The following CREB3L2 variants were observed in gnomAD, a reference collection of about 807,000 sequenced individuals.
CREB3L2 encodes cAMP responsive element binding protein 3 like 2, also known as cyclic AMP-responsive element-binding protein 3-like protein 2.
Under a neutral mutation model 57.2 loss-of-function variants are expected in CREB3L2, and 23 were observed. The ratio of observed to expected loss-of-function variants is 0.40; its 90% CI spans 0.29 to 0.57. The LOEUF (loss-of-function observed/expected upper bound fraction) is 0.57, where lower values mean the gene tolerates loss of function less well. CREB3L2 is among the 20% of genes least tolerant of loss of function. The probability of loss-of-function intolerance (pLI) is 0.42; values close to 1 mark genes in which losing one functional copy is unlikely to be tolerated. For missense variants in CREB3L2, 628 were observed against 634.7 expected (o/e 0.99, Z 0.11); for synonymous variants, 268 against 265.1 (o/e 1.01, Z -0.11).
At chr7:137,959,553 G>A (rs1801281261) in intron 1 of CREB3L2, among the ~76,000 whole-genome samples, 1 of 152,180 alleles carries the variant, frequency 6.6e-6, no homozygotes, top group African/African-American at 2.4e-5. Context: ...AAATGATGGT[G>A]GTTTTAAGCC....
Position 137,879,643 on chromosome 7 carries a change from C to G in CREB3L2, c.*833G>C, listed in dbSNP as rs1799243846. ...ACGGGATCCCAGAGCCTAGGGTGCCCTCCTAGCTCTGAAGGCTCGCAGAAA... is the reference window on the plus strand; with the variant it reads ...ACGGGATCCCAGAGCCTAGGGTGCCGTCCTAGCTCTGAAGGCTCGCAGAAA... On this transcript the variant is annotated 3_prime_UTR_variant, in exon 12 of 12. Coordinates refer to ENST00000330387, the MANE Select transcript of CREB3L2 (RefSeq NM_194071.4). 2.1e-5 allele frequency: 5 copies of G among 242,070 alleles called. No individual in the cohort carries two copies. The East Asian group carries it at 3.0e-4, about 15-fold the overall frequency. The allele number at this position is 242,070 out of a possible 1,614,324, so 15.0% of individuals were successfully genotyped here.
chr7:137,946,432 A>AG (rs1341453161), intron 1 of CREB3L2, among the ~76,000 whole-genome samples: 2 of 151,586 alleles, frequency 1.3e-5, no homozygotes, highest in Non-Finnish European at 2.9e-5. Flanking sequence ...TGCAGAAAAA[A>AG]AAAAAAAAAC....
chr7:137,964,382 G>T (rs1417945388), intron 1 of CREB3L2, among the ~76,000 whole-genome samples: 1 of 152,180 alleles, frequency 6.6e-6, no homozygotes, highest in Non-Finnish European at 1.5e-5. Context: ...CCACTAGCAT[G>T]TCTCTGGCTC....
chr7:137,960,957 G>A lies in CREB3L2; in HGVS notation c.103-32591C>T, dbSNP rs1033551670. On this transcript the variant is annotated intron_variant, in intron 1 of 11. Coordinates refer to ENST00000330387, the MANE Select transcript of CREB3L2 (RefSeq NM_194071.4). ...GCCTCCCGAGTAGCTGAGATTAGAG[G>A]TGTGTGCCACCACACCCGGCTAATT... 2.1e-4 allele frequency among the ~76,000 whole-genome samples: 32 copies of A among 151,594 alleles called. 1 individual carries two copies. In the South Asian group the frequency reaches 4.2e-3, roughly 20 times the overall value.
chr7:137,931,193 T>C (rs967101260), intron 1 of CREB3L2, among the ~76,000 whole-genome samples: 4 of 150,396 alleles, frequency 2.7e-5, no homozygotes, highest in African/African-American at 4.9e-5. Flanking sequence ...GATTGTACCA[T>C]TGCACTCCAG....
At position 137,875,084 on chromosome 7, in the gene CREB3L2, CT is replaced by C. The variant is rs59223079; in HGVS notation, c.*5391del. On this transcript the variant is annotated 3_prime_UTR_variant, in exon 12 of 12. Coordinates refer to ENST00000330387, the MANE Select transcript of CREB3L2 (RefSeq NM_194071.4). ...AACTAAGTACAAGTGTCCTACAAAG[CT>C]TTTTTTTTTTTTTGGTATTTACTTA... 25,008 of 167,094 alleles carry C rather than the reference CT, an allele frequency of 0.15. 1,919 individuals carry two copies. Among genetic ancestry groups the C allele is most frequent in the African/African-American group, 0.32 (12,773 of 39,474 alleles). 10.4% of individuals were successfully genotyped at this position (167,094 alleles called of 1,614,324 possible). A position where few individuals can be genotyped will look rare whatever the true frequency, so the allele number is the denominator to read the frequency against.
chr7:137,898,303 T>A lies in CREB3L2; in HGVS notation c.1043+3051A>T, dbSNP rs183605195. ...TGGAGAAAAGGGAACCCTTCCACAC[T>A]GTTAGTGGGAATGTAAATTAGTAAA... is the stretch of plus-strand genomic sequence containing the variant. On this transcript the variant is annotated intron_variant, in intron 8 of 11. Coordinates refer to ENST00000330387, the MANE Select transcript of CREB3L2 (RefSeq NM_194071.4). Among the ~76,000 whole-genome samples, 368 of 152,316 alleles carry A rather than the reference T, an allele frequency of 2.4e-3. 1 individual carries two copies. The highest frequency in any genetic ancestry group is 0.01 in the Middle Eastern group (3 of 294).
rs148703458 is a variant in CREB3L2 at position 137,981,037 on chromosome 7, T to C, written c.102+20567A>G. On this transcript the variant is annotated intron_variant, in intron 1 of 11. Coordinates refer to ENST00000330387, the MANE Select transcript of CREB3L2 (RefSeq NM_194071.4). ...AGATCTGCTGAGGACCCCGAGTCCTTGCAATAAAGCAGGAGAACCTGAGAT... is the reference window on the plus strand; with the variant it reads ...AGATCTGCTGAGGACCCCGAGTCCTCGCAATAAAGCAGGAGAACCTGAGAT... Among the ~76,000 whole-genome samples, 7 of 152,216 alleles carry C rather than the reference T, an allele frequency of 4.6e-5. No individual in the cohort carries two copies. The East Asian group carries it at 9.7e-4, about 21-fold the overall frequency.
In CREB3L2 at chr7:137,945,141, C is replaced by T. The variant is rs561938299; in HGVS notation, c.103-16775G>A. 1.7e-4 allele frequency among the ~76,000 whole-genome samples: 26 copies of T among 152,032 alleles called. No homozygotes were observed. The South Asian group carries it at 4.8e-3, about 28-fold the overall frequency. On this transcript the variant is annotated intron_variant, in intron 1 of 11. Transcript: ENST00000330387. ...AGCTTCTGACCTCAGGTAATCTGCC[C>T]GCCTTGGCTTCCCAAAGTGCTGGGA...
intron 8 of CREB3L2, among the ~76,000 whole-genome samples, chr7:137,895,653 A>AG (rs58659903): frequency 6.6e-6 from 1 of 151,814 alleles, no homozygotes; most frequent in East Asian, 1.9e-4. Context: ...AAAAAAAAAA[A>AG]GAAAGAAAAC....
intron 1 of CREB3L2, among the ~76,000 whole-genome samples, chr7:137,970,587 C>A (rs1162100557): frequency 5.1e-5 from 4 of 78,210 alleles, no homozygotes; most frequent in African/African-American, 1.5e-4. Context: ...GGACAGTTCA[C>A]AGAAGGGGGT....
intron 1 of CREB3L2, among the ~76,000 whole-genome samples, chr7:137,966,331 T>G (rs911470550): frequency 6.6e-6 from 1 of 152,194 alleles, no homozygotes; most frequent in Admixed American, 6.5e-5. Flanking sequence ...TAAGTTTGGA[T>G]GGTAATGTGA....
intron 2 of CREB3L2, among the ~76,000 whole-genome samples, chr7:137,918,839 C>T (rs1800208565): frequency 1.3e-5 from 2 of 152,098 alleles, no homozygotes; most frequent in South Asian, 4.1e-4. Flanking sequence ...TGTGCACATT[C>T]GTAAAACAAG....
intron 1 of CREB3L2, among the ~76,000 whole-genome samples, chr7:137,945,036 G>A (rs1800945865): frequency 6.6e-6 from 1 of 152,176 alleles, no homozygotes; most frequent in African/African-American, 2.4e-5. Flanking sequence ...GGGCTTACGG[G>A]CATGTGCCAC....
chr7:137,948,338 T>C (rs927716507), intron 1 of CREB3L2, among the ~76,000 whole-genome samples: 2 of 152,218 alleles, frequency 1.3e-5, no homozygotes, highest in Non-Finnish European at 2.9e-5. Context: ...CAATTCACGA[T>C]TAAACTGTTT....
intron 1 of CREB3L2, among the ~76,000 whole-genome samples, chr7:137,984,529 C>T (rs1423289952): frequency 6.6e-6 from 1 of 152,352 alleles, no homozygotes; most frequent in East Asian, 1.9e-4. Flanking sequence ...CCTGATCAAG[C>T]ACTACACTAG....
chr7:137,951,460 A>ACCTAATCCTCTATTTC (rs1801096499), intron 1 of CREB3L2, among the ~76,000 whole-genome samples: 3 of 152,166 alleles, frequency 2.0e-5, no homozygotes, highest in Admixed American at 1.3e-4. Context: ...ACCCGCAAGA[A>ACCTAATCCTCTATTTC]CCTAATCCTC....
intron 1 of CREB3L2, among the ~76,000 whole-genome samples, chr7:137,959,574 A>G (rs1295793353): frequency 6.6e-6 from 1 of 152,252 alleles, no homozygotes; most frequent in Non-Finnish European, 1.5e-5. Flanking sequence ...ACTAAGTTGT[A>G]TGGTGATTTG....
At chr7:137,930,206 A>G (rs1800585860) in intron 1 of CREB3L2, among the ~76,000 whole-genome samples, 1 of 152,172 alleles carries the variant, frequency 6.6e-6, no homozygotes, top group South Asian at 2.1e-4. Flanking sequence ...CAATAAAATG[A>G]AATTTTAAAG....
Sources: allele counts gnomAD v4.1 joint callset (sites outside exome capture counted in the v4.1 genomes callset), GRCh38; gene constraint gnomAD v4.1.1; transcripts MANE v1.5; gene names NCBI Gene and HGNC (gene_info 2026-07-23, HGNC 2026-07-21).